ABCA4: variants seen among roughly 807,000 people sequenced by gnomAD.
ABCA4 encodes retinal-specific phospholipid-transporting ATPase ABCA4.
ABCA4 carries 196 observed loss-of-function variants against 263.7 expected under a neutral mutation model. The observed-to-expected ratio is 0.74, with a 90% CI of 0.66 to 0.84. ABCA4 has a LOEUF of 0.84. Among genes scored for constraint, ABCA4 ranks in the 40% least tolerant of loss-of-function variants. ABCA4 has a pLI of 0.00. For missense variants in ABCA4, 2,792 were observed against 2,855.1 expected (o/e 0.98, Z 0.50); for synonymous variants, 1,133 against 1,094.2 (o/e 1.04, Z -0.70).
chr1:94,047,955 A>G (rs1221061215), intron 18 of ABCA4, among the ~76,000 whole-genome samples: 1 of 152,230 alleles, frequency 6.6e-6, no homozygotes, highest in Admixed American at 6.5e-5. Context: ...AGGGGGAAAA[A>G]GTCCACTGTT....
chr1:94,000,380 A>G (rs1659139046), intron 47 of ABCA4, among the ~76,000 whole-genome samples: 4 of 152,222 alleles, frequency 2.6e-5, no homozygotes, highest in Admixed American at 2.6e-4. Flanking sequence ...GGTTTGTCAT[A>G]TAACATATGG....
At chr1:94,100,139 C>G (rs1662251088) in intron 5 of ABCA4, among the ~76,000 whole-genome samples, 1 of 152,126 alleles carries the variant, frequency 6.6e-6, no homozygotes, top group African/African-American at 2.4e-5. Flanking sequence ...ACTGTCCAGA[C>G]TACACATGGC....
chr1:94,098,666 G>A, intron 6 of ABCA4, 128 bp downstream of exon 6: 1 of 1,105,352 alleles, frequency 9.0e-7, no homozygotes, highest in Admixed American at 2.0e-5. Flanking sequence ...TTTGAGCCCT[G>A]GGAGCCTGGA....
intron 44 of ABCA4, among the ~76,000 whole-genome samples, chr1:94,002,872 A>G (rs926210308): frequency 2.7e-5 from 4 of 147,658 alleles, no homozygotes; most frequent in African/African-American, 1.1e-4. Flanking sequence ...CAGATCGTCT[A>G]TCCCTCCCAC....
intron 42 of ABCA4, among the ~76,000 whole-genome samples, chr1:94,008,032 T>C (rs1659443095): frequency 6.6e-6 from 1 of 152,236 alleles, no homozygotes. Flanking sequence ...TTATATTGAG[T>C]AAAATAAAAA....
Position 94,120,380 on chromosome 1 carries a change from G to A in ABCA4, c.66+600C>T, listed in dbSNP as rs113422740. On this transcript the variant is annotated intron_variant, in intron 1 of 49. Transcript: ENST00000370225. ...TGTGCGTGATGGTTAATAACGTATT[G>A]CATCTCACAGAATCTAGGACGCAGT... 5.6e-3 allele frequency among the ~76,000 whole-genome samples: 855 copies of A among 152,266 alleles called. 10 individuals are homozygous for A. Among genetic ancestry groups the A allele is most frequent in the African/African-American group, 0.019 (808 of 41,540 alleles).
chr1:94,067,458 T>C (rs1931575), intron 11 of ABCA4, among the ~76,000 whole-genome samples: 38,029 of 152,140 alleles, frequency 0.25, 5,107 homozygotes, highest in East Asian at 0.6. Flanking sequence ...CAATGATACC[T>C]TGATAATCTC....
Position 94,040,058 on chromosome 1 carries a change from C to A in ABCA4, c.3592G>T (p.Glu1198Ter). The A allele has an allele frequency of 6.2e-7, 1 of 1,606,754 alleles. No homozygotes were observed. Among genetic ancestry groups the A allele is most frequent in the East Asian group, 2.2e-5 (1 of 44,802 alleles). Reference protein sequence around the residue: ...CPAHVDDLTPEQVLDGDVNEL... With the variant: ...CPAHVDDLTP ...CAGTCCTTACCATCCAGGACTTGTT[C>A]TGGAGTTAGGTCATCGACGTGGGCT... The change falls in exon 24 of 50, where the codon GAA (glutamate) becomes TAA (stop). Residue 1198 changes from glutamate to a stop codon, truncating the protein, a stop_gained. Coordinates refer to ENST00000370225, the MANE Select transcript of ABCA4 (RefSeq NM_000350.3). LOFTEE classifies it high-confidence loss of function.
At chr1:94,046,064 A>G (rs569154783) in intron 19 of ABCA4, 1 of 394,202 alleles carries the variant, frequency 2.5e-6, no homozygotes, top group East Asian at 7.2e-5. Flanking sequence ...TTCTTTTTTC[A>G]CTTTCTCCAG....
At position 94,027,971 on chromosome 1, in the gene ABCA4, C is replaced by G. The variant is rs181621907; in HGVS notation, c.4539+1474G>C. On this transcript the variant is annotated intron_variant, in intron 30 of 49. Coordinates refer to ENST00000370225, the MANE Select transcript of ABCA4 (RefSeq NM_000350.3). Reference sequence around the variant, plus strand: ...CGTAGACTTTTAGATGAGTGAGAAACAAGTTGTGTCTTGTTTTATCTGCTG... The same window carrying G: ...CGTAGACTTTTAGATGAGTGAGAAAGAAGTTGTGTCTTGTTTTATCTGCTG... Among the ~76,000 whole-genome samples the G allele has an allele frequency of 3.3e-5, 5 of 152,298 alleles. No homozygotes were observed. In the East Asian group the frequency reaches 9.6e-4, roughly 29 times the overall value.
intron 37 of ABCA4, 58 bp downstream of exon 37, chr1:94,015,681 C>T (rs953717144): frequency 2.3e-5 from 33 of 1,407,690 alleles, no homozygotes; most frequent in Non-Finnish European, 3.3e-5. Context: ...AGATGATCCC[C>T]CACCCCCACC....
intron 19 of ABCA4, among the ~76,000 whole-genome samples, chr1:94,046,356 G>A (rs1389605557): frequency 1.3e-5 from 2 of 149,852 alleles, no homozygotes; most frequent in African/African-American, 2.4e-5. Flanking sequence ...CACCTACTTG[G>A]GAGGCTGAGG....
intron 36 of ABCA4, among the ~76,000 whole-genome samples, chr1:94,016,657 C>T (rs1332186258): frequency 6.6e-6 from 1 of 152,112 alleles, no homozygotes; most frequent in African/African-American, 2.4e-5. Flanking sequence ...AGAATGAGCC[C>T]TGTGGAGTTG....
At chr1:94,044,530 C>T (rs1428908689) in intron 20 of ABCA4, 83 bp downstream of exon 20, 2 of 1,607,054 alleles carry the variant, frequency 1.2e-6, no homozygotes, top group East Asian at 4.5e-5. Flanking sequence ...GGCCTGGCAC[C>T]CCTGAGCTGG....
chr1:94,055,158 G>A lies in ABCA4; in HGVS notation c.2540C>T (p.Ala847Val). The change falls in exon 16 of 50, where the codon GCT (alanine) becomes GTT (valine). Residue 847 changes from alanine to valine, a missense_variant. Coordinates refer to ENST00000370225, the MANE Select transcript of ABCA4 (RefSeq NM_000350.3). ...LLSMQMMLLD[A>V]AVYGLLAWYL... ...CCAAGCGAGTAAGCCATAGACAGCA[G>A]CATCAAGGAGCATCATCTGCATGGA... The A allele has an allele frequency of 6.2e-7, 1 of 1,614,172 alleles. No homozygotes were observed. Among genetic ancestry groups the A allele is most frequent in the South Asian group, 1.1e-5 (1 of 91,088 alleles).
At position 94,036,877 on chromosome 1, in the gene ABCA4, T is replaced by C. The variant is rs142480490; in HGVS notation, c.3814-89A>G. 96 of 1,298,254 alleles carry C rather than the reference T, an allele frequency of 7.4e-5. No individual in the cohort carries two copies. In the East Asian group the frequency reaches 2.1e-3, roughly 28 times the overall value. 80.4% of individuals were successfully genotyped at this position (1,298,254 alleles called of 1,614,324 possible). A position where few individuals can be genotyped will look rare whatever the true frequency, so the allele number is the denominator to read the frequency against. ...CAAGCTCTGTTTTGTTGGGTATTGC[T>C]TCATAATGGGAAGAAAATCCATTAC... is the stretch of plus-strand genomic sequence containing the variant. On this transcript the variant is annotated intron_variant, in intron 25 of 49. Coordinates refer to ENST00000370225, the MANE Select transcript of ABCA4 (RefSeq NM_000350.3).
At chr1:94,084,795 C>G (rs531385710) in intron 6 of ABCA4, among the ~76,000 whole-genome samples, 1 of 152,100 alleles carries the variant, frequency 6.6e-6, no homozygotes, top group Non-Finnish European at 1.5e-5. Flanking sequence ...CAAACTCCTT[C>G]GAAATAGCTT....
At chr1:94,044,509 G>T (rs1444725824) in intron 20 of ABCA4, 104 bp downstream of exon 20, 8 of 1,553,282 alleles carry the variant, frequency 5.2e-6, no homozygotes, top group Non-Finnish European at 7.1e-6. Flanking sequence ...CTGTATCTCT[G>T]CCTGTGCCCA....
intron 35 of ABCA4, among the ~76,000 whole-genome samples, 196 bp downstream of exon 35, chr1:94,021,044 T>C (rs745435223): frequency 5.9e-5 from 9 of 152,300 alleles, no homozygotes; most frequent in Middle Eastern, 3.4e-3. Flanking sequence ...ACATAAATGT[T>C]GGGGAGAAAG....
Sources: gnomAD v4.1 joint callset for allele counts (sites outside exome capture counted in the v4.1 genomes callset) on GRCh38, gnomAD v4.1.1 for gene constraint, MANE v1.5 for transcripts, NCBI Gene and HGNC (gene_info 2026-07-23, HGNC 2026-07-21) for gene names.